ADAP1: variants seen among roughly 807,000 people sequenced by gnomAD.
ADAP1 encodes the protein ArfGAP with dual PH domains 1.
ADAP1 carries 31 observed loss-of-function variants against 54.9 expected under a neutral mutation model. The ratio of observed to expected loss-of-function variants is 0.56; its 90% CI spans 0.42 to 0.76. ADAP1 has a LOEUF of 0.76. Among genes scored for constraint, ADAP1 ranks in the 30% least tolerant of loss-of-function variants. ADAP1 has a pLI of 0.00. For synonymous variants in ADAP1, 313 were observed against 202.6 expected, an observed-to-expected ratio of 1.55 and a Z score of -4.63; for missense variants, 535 against 512.4, an observed-to-expected ratio of 1.04 and a Z score of -0.42.
chr7:912,895 C>T (rs548964021), intron 4 of ADAP1, among the ~76,000 whole-genome samples: 2 of 152,228 alleles, frequency 1.3e-5, no homozygotes, highest in African/African-American at 2.4e-5. Flanking sequence ...GTGGCCCACA[C>T]TGGAGTGCAG....
chr7:925,053 G>C (rs543263331), intron 3 of ADAP1, among the ~76,000 whole-genome samples: 1 of 151,972 alleles, frequency 6.6e-6, no homozygotes, highest in Admixed American at 6.6e-5. Flanking sequence ...CGCCAGCCTC[G>C]GCCTTCTCAG....
intron 5 of ADAP1, 146 bp downstream of exon 5, chr7:904,914 A>G: frequency 1.4e-6 from 1 of 715,526 alleles, no homozygotes. Context: ...TCAGCCCAAC[A>G]CAGGCCGGTT....
chr7:900,636 C>A lies in ADAP1; in HGVS notation c.649-20G>T, dbSNP rs62430819. Reference sequence around the variant, plus strand: ...AATCTCCTAGGGGCAAAGGTGGGCACAGGCTTGGGCTGAGGAGGCTGCAGC... The same window carrying A: ...AATCTCCTAGGGGCAAAGGTGGGCAAAGGCTTGGGCTGAGGAGGCTGCAGC... On this transcript the variant is annotated intron_variant, in intron 6 of 10. Transcript: ENST00000265846. 144 of 1,478,236 alleles carry A rather than the reference C, an allele frequency of 9.7e-5. No homozygotes were observed. Among genetic ancestry groups the A allele is most frequent in the African/African-American group, 2.0e-4 (10 of 49,118 alleles). The allele number at this position is 1,478,236 out of a possible 1,614,324, so 91.6% of individuals were successfully genotyped here.
rs1029298904 is a variant in ADAP1, at chr7:929,716, G to A, written c.214-3072C>T. Among the ~76,000 whole-genome samples, 5 of 152,064 alleles carry A rather than the reference G, an allele frequency of 3.3e-5. No homozygotes were observed. In the East Asian group the frequency reaches 7.7e-4, roughly 23 times the overall value. ...CTGAAGTTAGACAGTGGTGATGGTC[G>A]TGCAGCCCTGTGGCTTCACTAAAAC... On this transcript the variant is annotated intron_variant, in intron 2 of 10. Coordinates refer to ENST00000265846, the MANE Select transcript of ADAP1 (RefSeq NM_006869.4).
intron 1 of ADAP1, among the ~76,000 whole-genome samples, chr7:944,186 G>A (rs140841765): frequency 0.021 from 3,220 of 151,816 alleles, 41 homozygotes; most frequent in Non-Finnish European, 0.025. Flanking sequence ...CAAAGTGCTG[G>A]GATTACAGGC....
At position 938,936 on chromosome 7, in the gene ADAP1, G is replaced by A. The variant is rs1165967840; in HGVS notation, c.83-3431C>T. On this transcript the variant is annotated intron_variant, in intron 1 of 10. Coordinates refer to ENST00000265846, the MANE Select transcript of ADAP1 (RefSeq NM_006869.4). The surrounding 1 kb of genome is among the most constrained non-coding windows in gnomAD (Gnocchi z 4.4). ...GCCCAGCCCAGGGTCCAGAATGCCT[G>A]TGCCCACCTCCAACCTCACTCGGGT... Among the ~76,000 whole-genome samples the A allele has an allele frequency of 6.6e-6, 1 of 152,178 alleles. No individual in the cohort carries two copies. Among genetic ancestry groups the A allele is most frequent in the Non-Finnish European group, 1.5e-5 (1 of 68,028 alleles).
intron 4 of ADAP1, among the ~76,000 whole-genome samples, chr7:918,151 C>A (rs887525284): frequency 6.6e-6 from 1 of 152,182 alleles, no homozygotes; most frequent in African/African-American, 2.4e-5. Context: ...TGGCCTCAAA[C>A]TGCTGACTGC....
At chr7:909,090 G>A (rs1322258957) in intron 4 of ADAP1, among the ~76,000 whole-genome samples, 1 of 152,190 alleles carries the variant, frequency 6.6e-6, no homozygotes, top group East Asian at 1.9e-4. Flanking sequence ...CTGCTCCGGT[G>A]TTCTCGGGGT....
Position 920,071 on chromosome 7 carries a change from G to A in ADAP1, c.306-21C>T, listed in dbSNP as rs1207133914. On this transcript the variant is annotated intron_variant, in intron 3 of 10. Coordinates refer to ENST00000265846, the MANE Select transcript of ADAP1 (RefSeq NM_006869.4). The surrounding 1 kb of genome is among the most constrained non-coding windows in gnomAD (Gnocchi z 4.5). ...GGAGCCTGTGGGGAGAGGAGAGACT[G>A]AGCCACTGGGCCAAGGCGGCCTCCG... 1.9e-6 allele frequency: 3 copies of A among 1,601,230 alleles called. No individual in the cohort carries two copies. Among genetic ancestry groups the A allele is most frequent in the Non-Finnish European group, 2.5e-6 (3 of 1,178,022 alleles).
intron 2 of ADAP1, among the ~76,000 whole-genome samples, chr7:934,352 G>C (rs1459306847): frequency 1.3e-5 from 2 of 150,306 alleles, no homozygotes; most frequent in African/African-American, 4.9e-5. Flanking sequence ...GGGATCAGTG[G>C]TCCTGGAGAG....
chr7:950,383 G>A (rs1426328347), intron 1 of ADAP1, among the ~76,000 whole-genome samples: 2 of 152,072 alleles, frequency 1.3e-5, no homozygotes, highest in African/African-American at 4.8e-5. Flanking sequence ...CTACTCGGGA[G>A]GCTGAGGCAG....
At chr7:908,740 A>G (rs1845583203) in intron 4 of ADAP1, among the ~76,000 whole-genome samples, 1 of 152,196 alleles carries the variant, frequency 6.6e-6, no homozygotes, top group Non-Finnish European at 1.5e-5. Context: ...CCGGGGAGGC[A>G]TCGCAGCAGC....
At chr7:913,096 G>A (rs965358662) in intron 4 of ADAP1, among the ~76,000 whole-genome samples, 2 of 151,930 alleles carry the variant, frequency 1.3e-5, no homozygotes, top group Admixed American at 6.6e-5. Flanking sequence ...CTCCCACCTC[G>A]GCCTCCCAGA....
At chr7:900,918 G>A (rs1447064196) in intron 6 of ADAP1, 3 of 576,676 alleles carry the variant, frequency 5.2e-6, no homozygotes, top group East Asian at 4.2e-5. Context: ...AGGGTCGGGG[G>A]CTGCCATCCA....
intron 2 of ADAP1, among the ~76,000 whole-genome samples, chr7:930,405 C>CTGGGTGT: frequency 9.0e-6 from 1 of 111,522 alleles, no homozygotes; most frequent in South Asian, 3.2e-4. Context: ...GGGCCGGGCG[C>CTGGGTGT]GGTGGCTCAC....
At chr7:910,171 T>C (rs566031419) in intron 4 of ADAP1, among the ~76,000 whole-genome samples, 1 of 152,162 alleles carries the variant, frequency 6.6e-6, no homozygotes. Flanking sequence ...GGCCGTTTCT[T>C]CCACCACAGT....
rs1844632846 is a variant in ADAP1 at position 898,829 on chromosome 7, G to A, written c.*92C>T. On this transcript the variant is annotated 3_prime_UTR_variant, in exon 11 of 11. Transcript: ENST00000265846. ...CTGCCCTGAGGAGCAGGTGGGGCCA[G>A]GTGGCCTCAGGACGCCAGAGCCCCC... The A allele has an allele frequency of 1.3e-6, 2 of 1,519,008 alleles. No individual in the cohort carries two copies. The highest frequency in any genetic ancestry group is 2.0e-5 in the Admixed American group (1 of 50,968). 94.1% of individuals were successfully genotyped at this position (1,519,008 alleles called of 1,614,324 possible). A position where few individuals can be genotyped will look rare whatever the true frequency, so the allele number is the denominator to read the frequency against.
Position 919,973 on chromosome 7 carries a change from G to C in ADAP1, c.383C>G (p.Ser128Trp). 1 of 1,605,438 alleles carries C rather than the reference G, an allele frequency of 6.2e-7. No individual in the cohort carries two copies. Among genetic ancestry groups the C allele is most frequent in the Non-Finnish European group, 8.5e-7 (1 of 1,179,200 alleles). The part of the protein sequence containing the change: ...FIYPEKQEPY[S>W]AGYREGFLWK... ...CCCCACCCGGGTGGCCTCACCTGCCGAGTAGGGCTCCTGCTTCTCCGGGTA... is the reference window on the plus strand; with the variant it reads ...CCCCACCCGGGTGGCCTCACCTGCCCAGTAGGGCTCCTGCTTCTCCGGGTA... The change falls in exon 4 of 11, where the codon TCG (serine) becomes TGG (tryptophan). Residue 128 changes from serine to tryptophan, a missense_variant. Ser to Trp is a radical substitution (Grantham distance 177). Coordinates refer to ENST00000265846, the MANE Select transcript of ADAP1 (RefSeq NM_006869.4).
Position 904,238 on chromosome 7 carries a change from T to C in ADAP1, c.536A>G (p.His179Arg). Residue 179 changes from histidine to arginine, a missense_variant, in exon 6 of 11, where the codon CAC becomes CGC. By Grantham distance (29) the His-to-Arg change is conservative. Coordinates refer to ENST00000265846, the MANE Select transcript of ADAP1 (RefSeq NM_006869.4). ...GGCCGGCTGGAAGGTGGCGTTCAGG[T>C]GCTCGATCTTCATCACGGCCTTGGG... Reference protein sequence around the residue: ...KEPKAVMKIEHLNATFQPAKI... With the variant: ...KEPKAVMKIERLNATFQPAKI... The C allele has an allele frequency of 2.5e-6, 4 of 1,608,218 alleles. No homozygotes were observed. The highest frequency in any genetic ancestry group is 3.4e-6 in the Non-Finnish European group (4 of 1,177,454).
Sources: gnomAD v4.1 joint callset for allele counts (sites outside exome capture counted in the v4.1 genomes callset) on GRCh38, gnomAD v4.1.1 for gene constraint, Gnocchi (gnomAD v3.1) non-coding constraint, MANE v1.5 for transcripts, NCBI Gene and HGNC (gene_info 2026-07-23, HGNC 2026-07-21) for gene names.